The following KCNMA1 variants were observed in gnomAD, a reference collection of about 807,000 sequenced individuals.
KCNMA1 encodes potassium calcium-activated channel subfamily M alpha 1.
KCNMA1 carries 29 observed loss-of-function variants against 140.0 expected under a neutral mutation model. That is an observed-to-expected ratio of 0.21 (90% confidence interval 0.15 to 0.28). KCNMA1 has a LOEUF of 0.28. Among genes scored for constraint, KCNMA1 ranks in the 10% least tolerant of loss-of-function variants. The probability of loss-of-function intolerance (pLI) is 1.00; values close to 1 mark genes in which losing one functional copy is unlikely to be tolerated. For missense variants in KCNMA1, 880 were observed against 1,602.2 expected, an observed-to-expected ratio of 0.55 and a Z score of 7.70; for synonymous variants, 612 against 611.9, an observed-to-expected ratio of 1.00 and a Z score of 0.00.
intron 1 of KCNMA1, among the ~76,000 whole-genome samples, chr10:77,561,710 C>T (rs533160852): frequency 1.1e-3 from 171 of 152,298 alleles, no homozygotes; most frequent in African/African-American, 4.0e-3. Context: ...GGCTGGAGAC[C>T]TCCTGCTATG....
chr10:77,582,990 G>A (rs902409627), intron 1 of KCNMA1, among the ~76,000 whole-genome samples: 1 of 152,228 alleles, frequency 6.6e-6, no homozygotes, highest in South Asian at 2.1e-4. Context: ...ATGAGATTAC[G>A]AGAGCATCTC....
At chr10:76,952,234 T>C in intron 21 of KCNMA1, 1 of 1,491,556 alleles carries the variant, frequency 6.7e-7, no homozygotes, top group Non-Finnish European at 9.0e-7. Flanking sequence ...AGAATGTACA[T>C]ATATGGCTGG....
intron 1 of KCNMA1, among the ~76,000 whole-genome samples, chr10:77,462,382 C>T (rs184431358): frequency 8.8e-4 from 134 of 151,822 alleles, no homozygotes; most frequent in African/African-American, 2.4e-3. Flanking sequence ...CACACTTAGA[C>T]GTAAAAACAC....
intron 3 of KCNMA1, 79 bp from the exon 4 acceptor site, chr10:77,184,995 T>C (rs1237233017): frequency 5.7e-5 from 49 of 855,080 alleles, no homozygotes; most frequent in Non-Finnish European, 1.8e-5. Context: ...TGAGAAGTGG[T>C]AGTGCTTAGG....
chr10:77,310,946 C>T (rs887319721), intron 2 of KCNMA1, among the ~76,000 whole-genome samples: 11 of 152,190 alleles, frequency 7.2e-5, no homozygotes, highest in Non-Finnish European at 1.0e-4. Context: ...AACAAGTTCC[C>T]TCTTTTTCCT....
At chr10:77,423,224 AT>A (rs1178836340) in intron 1 of KCNMA1, among the ~76,000 whole-genome samples, 4 of 152,246 alleles carry the variant, frequency 2.6e-5, no homozygotes, top group African/African-American at 7.2e-5. Flanking sequence ...TCTTAAAAAA[AT>A]GTCACTAAAT....
chr10:77,520,279 T>A (rs369097225), intron 1 of KCNMA1, among the ~76,000 whole-genome samples: 1 of 17,508 alleles, frequency 5.7e-5, no homozygotes. Context: ...CTGGGATATG[T>A]GGTGTGAGGG....
intron 19 of KCNMA1, chr10:76,977,892 A>G (rs775280789): frequency 2.0e-5 from 9 of 458,588 alleles, no homozygotes; most frequent in Non-Finnish European, 3.5e-5. Flanking sequence ...TACCGTGAGC[A>G]ATTCCTCGAA....
At chr10:77,379,731 T>G (rs2095313323) in intron 2 of KCNMA1, among the ~76,000 whole-genome samples, 1 of 152,140 alleles carries the variant, frequency 6.6e-6, no homozygotes, top group South Asian at 2.1e-4. Flanking sequence ...TCTTAGTAAT[T>G]GTTTCCTTAA....
At chr10:76,950,503 G>A (rs543629919) in intron 21 of KCNMA1, among the ~76,000 whole-genome samples, 3 of 152,326 alleles carry the variant, frequency 2.0e-5, no homozygotes, top group African/African-American at 7.2e-5. Context: ...AGCTAGTGAA[G>A]CCAGGAGGCC....
At chr10:76,964,131 G>T (rs932876004) in intron 20 of KCNMA1, among the ~76,000 whole-genome samples, 5 of 151,622 alleles carry the variant, frequency 3.3e-5, no homozygotes, top group Middle Eastern at 3.4e-3. Context: ...TCACCCCCGA[G>T]ACACCACTGC....
intron 25 of KCNMA1, among the ~76,000 whole-genome samples, chr10:76,894,219 A>G (rs868648943): frequency 1.2e-4 from 18 of 152,362 alleles, no homozygotes; most frequent in Middle Eastern, 3.4e-3. Context: ...AGACCATTCA[A>G]TGGAGAAGTT....
intron 2 of KCNMA1, among the ~76,000 whole-genome samples, chr10:77,311,120 G>A (rs952790744): frequency 2.6e-5 from 4 of 152,164 alleles, no homozygotes; most frequent in African/African-American, 9.7e-5. Flanking sequence ...CTTAAATTCT[G>A]TGAAGAGTCT....
intron 1 of KCNMA1, among the ~76,000 whole-genome samples, chr10:77,479,453 G>A (rs1039541048): frequency 1.3e-5 from 2 of 152,130 alleles, no homozygotes; most frequent in African/African-American, 2.4e-5. Context: ...AGCAATACAA[G>A]GCTAGGCTCA....
intron 20 of KCNMA1, among the ~76,000 whole-genome samples, chr10:76,969,312 A>AGGGAGGAAGGAAGGAAGGAAGGAAGGAC (rs1258517784): frequency 6.7e-6 from 1 of 149,970 alleles, no homozygotes; most frequent in East Asian, 2.0e-4. Context: ...GAAGGAAGGA[A>AGGGAGGAAGGAAGGAAGGAAGGAAGGAC]GGAAGGAAGG....
chr10:77,063,995 G>A (rs554971187), intron 14 of KCNMA1: 11 of 985,300 alleles, frequency 1.1e-5, no homozygotes, highest in African/African-American at 8.7e-5. Flanking sequence ...CTGGATTTTC[G>A]CATTAAGTCC....
chr10:76,963,349 G>A (rs563824320), intron 20 of KCNMA1, among the ~76,000 whole-genome samples: 1 of 152,264 alleles, frequency 6.6e-6, no homozygotes, highest in South Asian at 2.1e-4. Flanking sequence ...ACTGTGTAGG[G>A]CTGTGGACCA....
chr10:77,601,159 C>G (rs991497249), intron 1 of KCNMA1, among the ~76,000 whole-genome samples: 1 of 152,154 alleles, frequency 6.6e-6, no homozygotes, highest in Admixed American at 6.5e-5. Context: ...ACATGATCTC[C>G]TTTGAGCTTC....
At chr10:77,324,078 CA>C in intron 2 of KCNMA1, among the ~76,000 whole-genome samples, 1 of 152,138 alleles carries the variant, frequency 6.6e-6, no homozygotes, top group African/African-American at 2.4e-5. Context: ...GGCACAGAAG[CA>C]AAAGAGTGTT....
Sources: gnomAD v4.1 joint callset for allele counts (sites outside exome capture counted in the v4.1 genomes callset) on GRCh38, gnomAD v4.1.1 for gene constraint, MANE v1.5 for transcripts, NCBI Gene and HGNC (gene_info 2026-07-23, HGNC 2026-07-21) for gene names.